Variants in NFE2L2 observed in about 807,000 individuals in gnomAD.
NFE2L2 encodes NFE2 like bZIP transcription factor 2, also known as nuclear factor erythroid 2-related factor 2.
NFE2L2 carries 20 observed loss-of-function variants against 49.6 expected under a neutral mutation model. The ratio of observed to expected loss-of-function variants is 0.40; its 90% CI spans 0.28 to 0.59. The LOEUF (loss-of-function observed/expected upper bound fraction) is 0.59. Ranked by LOEUF, NFE2L2 falls within the 20% of genes least tolerant of loss-of-function variation. The pLI is 0.40. For missense variants in NFE2L2, 578 were observed against 714.2 expected, an observed-to-expected ratio of 0.81 and a Z score of 2.17; for synonymous variants, 244 against 256.5, an observed-to-expected ratio of 0.95 and a Z score of 0.47.
chr2:177,232,433 C>T lies in NFE2L2; in HGVS notation c.553G>A (p.Glu185Lys). 6.2e-7 allele frequency: 1 copy of T among 1,614,026 alleles called. No homozygotes were observed. Among genetic ancestry groups the T allele is most frequent in the South Asian group, 1.1e-5 (1 of 91,044 alleles). Residue 185 changes from glutamate (E) to lysine (K), a missense_variant, in exon 4 of 5, where the codon GAG becomes AAG. By Grantham distance (56) the Glu-to-Lys change is moderately conservative (BLOSUM62 1). Coordinates refer to ENST00000397062, the MANE Select transcript of NFE2L2 (RefSeq NM_006164.5). ...GATAATAGCTCCTCCCAAACTTGCT[C>T]AATGTCCTGTTGCATACCGTCTAAA... ...VDLDGMQQDI[E>K]QVWEELLSIP...
intron 1 of NFE2L2, among the ~76,000 whole-genome samples, chr2:177,242,455 TA>T: frequency 6.6e-6 from 1 of 152,358 alleles, no homozygotes; most frequent in Non-Finnish European, 1.5e-5. Context: ...TTCAACAAGT[TA>T]AAACCCTAGT....
intron 1 of NFE2L2, among the ~76,000 whole-genome samples, chr2:177,246,724 T>C (rs1426264896): frequency 6.6e-6 from 1 of 151,262 alleles, no homozygotes; most frequent in Non-Finnish European, 1.5e-5. Flanking sequence ...CTCAGCCTCC[T>C]GAATAGCTGA....
At chr2:177,253,757 T>C (rs1352464567) in intron 1 of NFE2L2, among the ~76,000 whole-genome samples, 1 of 152,240 alleles carries the variant, frequency 6.6e-6, no homozygotes, top group African/African-American at 2.4e-5. Flanking sequence ...TTCTTGGATA[T>C]GCTACCGGAA....
Position 177,242,050 on chromosome 2 carries a change from A to G in NFE2L2, c.46-7779T>C, listed in dbSNP as rs561471130. Among the ~76,000 whole-genome samples, 45 of 152,356 alleles carry G rather than the reference A, an allele frequency of 3.0e-4. No homozygotes were observed. The South Asian group carries it at 8.7e-3, about 29-fold the overall frequency. ...CTCTCACACTGCATTACAAGAATAT[A>G]GCAATACCAATTGTTTTCTCAGCAA... On this transcript the variant is annotated intron_variant, in intron 1 of 4. Transcript: ENST00000397062.
chr2:177,232,296 A>T, intron 4 of NFE2L2, 96 bp downstream of exon 4: 1 of 1,235,848 alleles, frequency 8.1e-7, no homozygotes, highest in Non-Finnish European at 1.1e-6. Flanking sequence ...AGCACCCTCC[A>T]ATCCTTCCTA....
chr2:177,232,468 G>T lies in NFE2L2; in HGVS notation c.518C>A (p.Ala173Asp). Residue 173 changes from alanine to aspartate, a missense_variant, in exon 4 of 5, where the codon GCC (alanine) becomes GAC (aspartate). By Grantham distance (126) the Ala-to-Asp change is moderately radical. Transcript: ENST00000397062. ...QSPETSVAQV[A>D]PVDLDGMQQD... is the part of the protein sequence containing the mutation. ...TTGCATACCGTCTAAATCAACAGGG[G>T]CTACCTGAGCAACAGAAGTTTCAGG... 4.3e-6 allele frequency: 7 copies of T among 1,614,136 alleles called. No individual in the cohort carries two copies. Among genetic ancestry groups the T allele is most frequent in the Non-Finnish European group, 5.1e-6 (6 of 1,179,994 alleles).
chr2:177,233,802 C>T (rs1009768117), intron 2 of NFE2L2: 6 of 654,316 alleles, frequency 9.2e-6, no homozygotes, highest in Non-Finnish European at 1.5e-5. Flanking sequence ...CCAATCCTCA[C>T]AATAACACTG....
At chr2:177,233,950 G>C (rs1171766118) in intron 2 of NFE2L2, 55 bp downstream of exon 2, 2 of 1,596,170 alleles carry the variant, frequency 1.3e-6, no homozygotes, top group Non-Finnish European at 1.7e-6. Flanking sequence ...TTAATTCCTT[G>C]CTCAGTGTTT....
intron 1 of NFE2L2, among the ~76,000 whole-genome samples, chr2:177,242,168 G>A (rs1408233616): frequency 6.6e-6 from 1 of 152,156 alleles, no homozygotes; most frequent in Non-Finnish European, 1.5e-5. Context: ...TACAGTAAGT[G>A]TAAAGTAGGT....
chr2:177,257,638 G>C (rs536393605), intron 1 of NFE2L2, among the ~76,000 whole-genome samples: 20 of 152,286 alleles, frequency 1.3e-4, no homozygotes, highest in Admixed American at 7.2e-4. Context: ...GGGTCCCCTA[G>C]GGCAGGGGTC....
intron 1 of NFE2L2, among the ~76,000 whole-genome samples, chr2:177,245,849 A>T (rs1389582660): frequency 2.0e-5 from 3 of 152,250 alleles, no homozygotes; most frequent in Admixed American, 6.5e-5. Context: ...ACCTCAGATG[A>T]TCTGCCTGCC....
chr2:177,238,280 C>G (rs1480770542), intron 1 of NFE2L2, among the ~76,000 whole-genome samples: 1 of 152,216 alleles, frequency 6.6e-6, no homozygotes, highest in African/African-American at 2.4e-5. Context: ...CAAACATCTT[C>G]TGCTCATAAA....
In NFE2L2 at chr2:177,261,018, A is replaced by T. The variant is rs1471534420; in HGVS notation, c.45+3514T>A. Reference sequence around the variant, plus strand: ...TGGTAAAACCCCATCTCTACTAAAAATACAAAAATTAGCCGGGCAGTGGGT... The same window carrying T: ...TGGTAAAACCCCATCTCTACTAAAATTACAAAAATTAGCCGGGCAGTGGGT... On this transcript the variant is annotated intron_variant, in intron 1 of 4. Transcript: ENST00000397062. 1.6e-4 allele frequency among the ~76,000 whole-genome samples: 24 copies of T among 152,022 alleles called. 1 individual carries two copies. Among genetic ancestry groups the T allele is most frequent in the Admixed American group, 1.6e-3 (24 of 15,270 alleles).
At chr2:177,257,712 A>G (rs1433170884) in intron 1 of NFE2L2, among the ~76,000 whole-genome samples, 1 of 152,208 alleles carries the variant, frequency 6.6e-6, no homozygotes, top group Non-Finnish European at 1.5e-5. Flanking sequence ...GCAGGAGGTG[A>G]GCAGTAGGCG....
rs764416907 is a variant in NFE2L2 at position 177,232,362 on chromosome 2, AT to A, written c.594+29del. 33 of 1,576,262 alleles carry A rather than the reference AT, an allele frequency of 2.1e-5. 1 individual carries two copies. The African/African-American group carries it at 2.3e-4, about 11-fold the overall frequency. Reference sequence around the variant, plus strand: ...ACTAAAGGCACTGAATATAAAAAAAATCTCCAGTATTACATTCTATTTTAGT... The same window carrying A: ...ACTAAAGGCACTGAATATAAAAAAAACTCCAGTATTACATTCTATTTTAGT... On this transcript the variant is annotated intron_variant, in intron 4 of 4. Transcript: ENST00000397062.
At position 177,242,909 on chromosome 2, in the gene NFE2L2, TG is replaced by T. The variant is rs1162926216; in HGVS notation, c.46-8639del. ...CCCCAAGGAGGTTTTGTTTTTTTTTTGTTTTTTTTTTGGTGGTTTGTGTTTG... is the reference window on the plus strand; with the variant it reads ...CCCCAAGGAGGTTTTGTTTTTTTTTTTTTTTTTTTTGGTGGTTTGTGTTTG... On this transcript the variant is annotated intron_variant, in intron 1 of 4. Transcript: ENST00000397062. 2.0e-5 allele frequency among the ~76,000 whole-genome samples: 3 copies of T among 150,950 alleles called. No homozygotes were observed. In the East Asian group the frequency reaches 5.8e-4, roughly 29 times the overall value.
chr2:177,248,752 A>T (rs999567126), intron 1 of NFE2L2, among the ~76,000 whole-genome samples: 1 of 151,732 alleles, frequency 6.6e-6, no homozygotes, highest in East Asian at 1.9e-4. Context: ...TCCTTCTCCA[A>T]CCCACAAGCT....
chr2:177,244,067 G>C (rs1690034318), intron 1 of NFE2L2, among the ~76,000 whole-genome samples: 1 of 151,780 alleles, frequency 6.6e-6, no homozygotes, highest in South Asian at 2.1e-4. Context: ...TTAGGAGGCT[G>C]AGGTAGGTGG....
Position 177,248,439 on chromosome 2 carries a change from C to T in NFE2L2, c.46-14168G>A, listed in dbSNP as rs549360598. ...TTCTTTTTTTTTTGAGACAGAGTTTCACTCTTGTTGCCCAGGCTGGAGTGC... is the reference window on the plus strand; with the variant it reads ...TTCTTTTTTTTTTGAGACAGAGTTTTACTCTTGTTGCCCAGGCTGGAGTGC... On this transcript the variant is annotated intron_variant, in intron 1 of 4. Transcript: ENST00000397062. 4.6e-5 allele frequency among the ~76,000 whole-genome samples: 7 copies of T among 152,002 alleles called. No homozygotes were observed. The East Asian group carries it at 1.4e-3, about 29-fold the overall frequency.
Sources: allele counts gnomAD v4.1 joint callset (sites outside exome capture counted in the v4.1 genomes callset), GRCh38; gene constraint gnomAD v4.1.1; transcripts MANE v1.5; gene names NCBI Gene and HGNC (gene_info 2026-07-23, HGNC 2026-07-21).